The following PRKAR1B variants were observed in gnomAD, a reference collection of about 807,000 sequenced individuals.
PRKAR1B encodes protein kinase cAMP-dependent type I regulatory subunit beta, also known as cAMP-dependent protein kinase type I-beta regulatory subunit.
Under a neutral mutation model 46.5 loss-of-function variants are expected in PRKAR1B, and 22 were observed. The observed-to-expected ratio is 0.47, with a 90% CI of 0.34 to 0.68. The LOEUF (loss-of-function observed/expected upper bound fraction) is 0.68. Among genes scored for constraint, PRKAR1B ranks in the 30% least tolerant of loss-of-function variants. The probability of loss-of-function intolerance (pLI) is 0.01; values close to 1 mark genes in which losing one functional copy is unlikely to be tolerated. For missense variants in PRKAR1B, 445 were observed against 535.6 expected, an observed-to-expected ratio of 0.83 and a Z score of 1.67; for synonymous variants, 259 against 217.7, an observed-to-expected ratio of 1.19 and a Z score of -1.67.
intron 9 of PRKAR1B, chr7:578,926 C>T: frequency 1.2e-6 from 1 of 857,612 alleles, no homozygotes; most frequent in Non-Finnish European, 1.5e-6. Flanking sequence ...AGGTGATCCA[C>T]CCGCCTCAGC....
chr7:572,910 C>T (rs1779606739), intron 9 of PRKAR1B, among the ~76,000 whole-genome samples: 1 of 152,244 alleles, frequency 6.6e-6, no homozygotes, highest in East Asian at 1.9e-4. Flanking sequence ...AGGACGCCGG[C>T]CCCAGGGAGA....
chr7:585,682 C>G (rs548924358), intron 7 of PRKAR1B, among the ~76,000 whole-genome samples: 1 of 152,070 alleles, frequency 6.6e-6, no homozygotes, highest in Non-Finnish European at 1.5e-5. Context: ...TGACCCACAT[C>G]GACCTCGCAA....
intron 2 of PRKAR1B, among the ~76,000 whole-genome samples, chr7:682,758 T>C (rs1416022056): frequency 6.6e-6 from 1 of 150,634 alleles, no homozygotes; most frequent in African/African-American, 2.4e-5. Flanking sequence ...AAAAAAAAAA[T>C]TGTTTTAAGG....
At chr7:638,875 G>T (rs1400453378) in intron 4 of PRKAR1B, among the ~76,000 whole-genome samples, 2 of 151,468 alleles carry the variant, frequency 1.3e-5, no homozygotes, top group Non-Finnish European at 2.9e-5. Flanking sequence ...TCAGGAGTTC[G>T]AGACCATCCT....
At chr7:675,329 T>C (rs929950647) in intron 4 of PRKAR1B, among the ~76,000 whole-genome samples, 2 of 152,154 alleles carry the variant, frequency 1.3e-5, no homozygotes, top group African/African-American at 4.8e-5. Context: ...CCACCTGCAC[T>C]CACGGGCACA....
chr7:702,739 T>A (rs1260473541), intron 2 of PRKAR1B, among the ~76,000 whole-genome samples: 2 of 152,076 alleles, frequency 1.3e-5, no homozygotes, highest in East Asian at 3.9e-4. Flanking sequence ...AGGAGAATGG[T>A]GTGAACCCAG....
At chr7:579,175 C>T (rs962743710) in intron 9 of PRKAR1B, 81 bp downstream of exon 9, 151 of 1,606,306 alleles carry the variant, frequency 9.4e-5, no homozygotes, top group Admixed American at 6.0e-4. Flanking sequence ...GAGGGTGAGG[C>T]GGGCAGTGGA....
chr7:564,355 G>A (rs1016697571), intron 9 of PRKAR1B, among the ~76,000 whole-genome samples: 9 of 152,224 alleles, frequency 5.9e-5, no homozygotes, highest in Middle Eastern at 3.4e-3. Context: ...CTCAACCTCC[G>A]CCGCCAGCCT....
At chr7:711,260 C>A in intron 2 of PRKAR1B, 69 bp downstream of exon 2, 1 of 1,575,978 alleles carries the variant, frequency 6.3e-7, no homozygotes, top group South Asian at 1.2e-5. Flanking sequence ...AGAGGGAAGG[C>A]TTCCCCGGCT....
Position 549,995 on chromosome 7 carries a change from C to T in PRKAR1B, c.*435G>A, listed in dbSNP as rs1228437863. The T allele has an allele frequency of 1.2e-5, 2 of 169,014 alleles. No individual in the cohort carries two copies. Among genetic ancestry groups the T allele is most frequent in the African/African-American group, 4.8e-5 (2 of 41,518 alleles). 10.5% of individuals were successfully genotyped at this position (169,014 alleles called of 1,614,324 possible). On this transcript the variant is annotated 3_prime_UTR_variant, in exon 11 of 11. Coordinates refer to ENST00000537384, the MANE Select transcript of PRKAR1B (RefSeq NM_001164760.2). ...CCTCATCTCCCCTGGGGGGCAGCCC[C>T]TTTTGACACACTTGCCCACACTCAG...
chr7:596,157 G>A lies in PRKAR1B; in HGVS notation c.697C>T (p.Arg233Cys). The part of the protein sequence containing the change: ...LWGIDRDSYR[R>C]ILMGSTLRKR... The stretch of plus-strand genomic sequence containing the variant: ...GGGCACCAACTCACCATAAGGATGC[G>A]CCGGTAGCTGTCCCGGTCGATCCCC... The change falls in exon 7 of 11, where the codon CGC becomes TGC. Residue 233 changes from arginine (R) to cysteine (C), a missense_variant. Transcript: ENST00000537384. 1 of 1,613,514 alleles carries A rather than the reference G, an allele frequency of 6.2e-7. No homozygotes were observed. Among genetic ancestry groups the A allele is most frequent in the Non-Finnish European group, 8.5e-7 (1 of 1,179,696 alleles).
At chr7:552,246 A>C (rs1244501987) in intron 9 of PRKAR1B, among the ~76,000 whole-genome samples, 2 of 41,692 alleles carry the variant, frequency 4.8e-5, no homozygotes, top group African/African-American at 9.9e-5. Flanking sequence ...CCAAACCCCC[A>C]CCTCCCACCC....
At chr7:627,808 G>A (rs151219016) in intron 4 of PRKAR1B, among the ~76,000 whole-genome samples, 366 of 152,294 alleles carry the variant, frequency 2.4e-3, no homozygotes, top group African/African-American at 8.3e-3. Flanking sequence ...TCCAGGCCAC[G>A]ACTGCCAGCG....
At chr7:722,719 G>A (rs772888110) in intron 1 of PRKAR1B, among the ~76,000 whole-genome samples, 8 of 152,222 alleles carry the variant, frequency 5.3e-5, no homozygotes, top group African/African-American at 9.6e-5. Flanking sequence ...ATTCCAACAT[G>A]TGACCTATCT....
At chr7:583,483 A>G (rs532160549) in intron 8 of PRKAR1B, among the ~76,000 whole-genome samples, 2 of 109,898 alleles carry the variant, frequency 1.8e-5, no homozygotes, top group South Asian at 2.6e-4. Flanking sequence ...ACACCCACGC[A>G]CACACGTGTG....
At chr7:574,945 G>A (rs1029594952) in intron 9 of PRKAR1B, among the ~76,000 whole-genome samples, 9 of 152,366 alleles carry the variant, frequency 5.9e-5, no homozygotes, top group African/African-American at 2.2e-4. Context: ...CAGTCGTCCT[G>A]CTGGCGGTGG....
At chr7:606,325 C>G in intron 5 of PRKAR1B, 86 bp from the exon 6 acceptor site, 1 of 1,281,142 alleles carries the variant, frequency 7.8e-7, no homozygotes, top group Non-Finnish European at 1.1e-6. Context: ...TTTCGCAACA[C>G]TGTTGCAGAG....
intron 4 of PRKAR1B, among the ~76,000 whole-genome samples, chr7:635,649 T>C (rs1451530358): frequency 6.6e-6 from 1 of 152,096 alleles, no homozygotes; most frequent in Non-Finnish European, 1.5e-5. Context: ...TGTGAACAGC[T>C]TAGGAAAAAG....
intron 8 of PRKAR1B, 84 bp from the exon 9 acceptor site, chr7:579,461 G>T: frequency 2.6e-6 from 4 of 1,557,552 alleles, no homozygotes; most frequent in Non-Finnish European, 3.5e-6. Context: ...CGCTCTTCCC[G>T]AAAGGTGTCC....
Sources: allele counts gnomAD v4.1 joint callset (sites outside exome capture counted in the v4.1 genomes callset), GRCh38; gene constraint gnomAD v4.1.1; transcripts MANE v1.5; gene names NCBI Gene and HGNC (gene_info 2026-07-23, HGNC 2026-07-21).